Variants in ERC2 observed in about 807,000 individuals in gnomAD.
ERC2 encodes ELKS/RAB6-interacting/CAST family member 2.
A neutral mutation model predicts 114.8 loss-of-function variants in ERC2; 42 were observed. That is an observed-to-expected ratio of 0.37 (90% CI 0.29 to 0.47). The LOEUF (loss-of-function observed/expected upper bound fraction) is 0.47. ERC2 is among the 20% of genes least tolerant of loss of function. The pLI is 0.99. For missense variants in ERC2, 939 were observed against 1,150.7 expected (o/e 0.82, Z 2.66); for synonymous variants, 454 against 425.5 (o/e 1.07, Z -0.82).
At chr3:56,289,283 G>A (rs2054925493) in intron 3 of ERC2, among the ~76,000 whole-genome samples, 10 of 152,100 alleles carry the variant, frequency 6.6e-5, no homozygotes, top group Admixed American at 6.6e-4. Flanking sequence ...CTGCCTACAG[G>A]TGGAGATGAC....
intron 4 of ERC2, among the ~76,000 whole-genome samples, chr3:56,160,696 T>C (rs1205010183): frequency 2.0e-5 from 3 of 152,228 alleles, no homozygotes; most frequent in African/African-American, 7.2e-5. Context: ...CTTCTGCATA[T>C]GGCTAGCCAG....
chr3:55,868,055 G>A (rs1211613142), intron 14 of ERC2, among the ~76,000 whole-genome samples: 1 of 152,094 alleles, frequency 6.6e-6, no homozygotes. Context: ...CATGACGATA[G>A]CTTACCTCCT....
At chr3:56,271,562 A>T (rs1224577127) in intron 3 of ERC2, among the ~76,000 whole-genome samples, 3 of 152,178 alleles carry the variant, frequency 2.0e-5, no homozygotes, top group African/African-American at 7.2e-5. Context: ...ACTTTCTATT[A>T]TATAAGCCAT....
chr3:55,641,087 G>GT (rs1333496104), intron 17 of ERC2, among the ~76,000 whole-genome samples: 1 of 152,134 alleles, frequency 6.6e-6, no homozygotes, highest in Non-Finnish European at 1.5e-5. Flanking sequence ...GTCAGCAGCT[G>GT]TTTTTCTATT....
chr3:56,404,433 G>A (rs935107937), intron 2 of ERC2, among the ~76,000 whole-genome samples: 3 of 151,982 alleles, frequency 2.0e-5, no homozygotes, highest in Non-Finnish European at 2.9e-5. Flanking sequence ...CTACAAAAAA[G>A]GCAACTTGGG....
At chr3:56,011,153 T>C (rs1305760742) in intron 8 of ERC2, among the ~76,000 whole-genome samples, 1 of 152,216 alleles carries the variant, frequency 6.6e-6, no homozygotes, top group Non-Finnish European at 1.5e-5. Flanking sequence ...GTGTATGTGA[T>C]TTTCCAGTGT....
chr3:55,556,489 C>T (rs2055618493), intron 17 of ERC2, among the ~76,000 whole-genome samples: 3 of 152,318 alleles, frequency 2.0e-5, no homozygotes, highest in Middle Eastern at 3.4e-3. Flanking sequence ...AGACATAGAG[C>T]ATATGACTCA....
intron 14 of ERC2, among the ~76,000 whole-genome samples, chr3:55,762,608 C>T (rs148169922): frequency 6.6e-6 from 1 of 152,192 alleles, no homozygotes; most frequent in East Asian, 1.9e-4. Context: ...AAACCCTTGG[C>T]CAAAGCTGGT....
At chr3:56,215,663 T>C (rs1470306183) in intron 3 of ERC2, among the ~76,000 whole-genome samples, 1 of 152,034 alleles carries the variant, frequency 6.6e-6, no homozygotes, top group Non-Finnish European at 1.5e-5. Context: ...CCTACAGAAC[T>C]CTCCACCCCA....
At chr3:56,276,631 C>T (rs2054017163) in intron 3 of ERC2, among the ~76,000 whole-genome samples, 1 of 152,048 alleles carries the variant, frequency 6.6e-6, no homozygotes. Context: ...AGGAAGACTA[C>T]ATTTGAATAT....
At chr3:55,835,035 C>T (rs2060807238) in intron 14 of ERC2, among the ~76,000 whole-genome samples, 1 of 151,696 alleles carries the variant, frequency 6.6e-6, no homozygotes, top group East Asian at 1.9e-4. Context: ...ATACACCCTC[C>T]CAAGACTAAA....
At chr3:56,201,647 A>G (rs896974670) in intron 3 of ERC2, among the ~76,000 whole-genome samples, 24 of 152,194 alleles carry the variant, frequency 1.6e-4, no homozygotes, top group African/African-American at 5.3e-4. Context: ...GATCAAAGCC[A>G]TTTGCTTCAG....
chr3:55,786,997 T>C (rs1175745978), intron 14 of ERC2, among the ~76,000 whole-genome samples: 1 of 152,248 alleles, frequency 6.6e-6, no homozygotes, highest in African/African-American at 2.4e-5. Flanking sequence ...GGCTGCATTA[T>C]GAACTGTGGG....
At chr3:56,303,859 A>T (rs1016067155) in intron 2 of ERC2, among the ~76,000 whole-genome samples, 2 of 152,222 alleles carry the variant, frequency 1.3e-5, no homozygotes, top group African/African-American at 4.8e-5. Context: ...GTGGGCAAGG[A>T]CTGGGAGAGG....
chr3:56,332,149 T>C (rs5849143), intron 2 of ERC2, among the ~76,000 whole-genome samples: 3,212 of 39,038 alleles, frequency 0.082, 108 homozygotes, highest in African/African-American at 0.13. Context: ...CACACACACA[T>C]GTGCACACAC....
intron 16 of ERC2, among the ~76,000 whole-genome samples, chr3:55,693,489 C>T (rs1202342868): frequency 2.6e-5 from 4 of 152,096 alleles, no homozygotes; most frequent in Non-Finnish European, 5.9e-5. Flanking sequence ...CCTCCCTCCC[C>T]GGGCCAGTCT....
chr3:56,059,368 C>A (rs1434563362), intron 7 of ERC2, among the ~76,000 whole-genome samples: 2 of 152,172 alleles, frequency 1.3e-5, no homozygotes, highest in Non-Finnish European at 2.9e-5. Flanking sequence ...AGATTACAGG[C>A]ATGAGCCACC....
intron 2 of ERC2, among the ~76,000 whole-genome samples, chr3:56,363,021 C>T (rs889392724): frequency 9.2e-5 from 14 of 152,266 alleles, no homozygotes; most frequent in South Asian, 2.1e-4. Context: ...CATGCAGAAA[C>T]AAATGGTAGT....
chr3:55,925,667 G>A (rs529177084), intron 13 of ERC2, among the ~76,000 whole-genome samples: 15 of 152,152 alleles, frequency 9.9e-5, no homozygotes, highest in Non-Finnish European at 1.5e-4. Context: ...CAGCAAACAG[G>A]AAATCTGGAA....
Sources: allele counts gnomAD v4.1 joint callset (sites outside exome capture counted in the v4.1 genomes callset), GRCh38; gene constraint gnomAD v4.1.1; transcripts MANE v1.5; gene names NCBI Gene and HGNC (gene_info 2026-07-23, HGNC 2026-07-21).